LIPF: variants seen among roughly 807,000 people sequenced by gnomAD.
LIPF encodes the protein lipase F, gastric type.
Under a neutral mutation model 38.0 loss-of-function variants are expected in LIPF, and 25 were observed. The ratio of observed to expected loss-of-function variants is 0.66; its 90% confidence interval spans 0.48 to 0.92. LIPF has a LOEUF of 0.92. LIPF is among the 40% of genes least tolerant of loss of function. The pLI is 0.00. For missense variants in LIPF, 410 were observed against 469.9 expected, an observed-to-expected ratio of 0.87 and a Z score of 1.18; for synonymous variants, 161 against 156.2, an observed-to-expected ratio of 1.03 and a Z score of -0.23.
intron 7 of LIPF, among the ~76,000 whole-genome samples, chr10:88,674,202 G>A (rs1299607945): frequency 1.3e-5 from 2 of 151,534 alleles, no homozygotes; most frequent in Admixed American, 6.6e-5. Flanking sequence ...ATAGAGTCTC[G>A]CTGTCACCCA....
At chr10:88,667,100 A>C (rs1841522921) in intron 1 of LIPF, among the ~76,000 whole-genome samples, 187 bp from the exon 2 acceptor site, 1 of 152,248 alleles carries the variant, frequency 6.6e-6, no homozygotes, top group Admixed American at 6.5e-5. Context: ...TAAACATGTT[A>C]AGCATTAAAA....
intron 4 of LIPF, 196 bp from the exon 5 acceptor site, chr10:88,669,641 C>T (rs994339422): frequency 5.3e-5 from 24 of 452,616 alleles, no homozygotes; most frequent in South Asian, 1.3e-4. Context: ...TGCAATGCTG[C>T]GCTTCAGAAA....
Position 88,667,414 on chromosome 10 carries a change from T to C in LIPF, c.105+12T>C. ...TGACTATGAACATTGTAAGTTACTCTGGGGAAAAACTCTATAAAACTAAAA... is the reference window on the plus strand; with the variant it reads ...TGACTATGAACATTGTAAGTTACTCCGGGGAAAAACTCTATAAAACTAAAA... On this transcript the variant is annotated intron_variant, in intron 2 of 9. Coordinates refer to ENST00000238983, the MANE Select transcript of LIPF (RefSeq NM_004190.4). The C allele has an allele frequency of 6.7e-7, 1 of 1,485,170 alleles. No homozygotes were observed. Among genetic ancestry groups the C allele is most frequent in the African/African-American group, 1.4e-5 (1 of 72,218 alleles). 92.0% of individuals were successfully genotyped at this position (1,485,170 alleles called of 1,614,324 possible). A position where few individuals can be genotyped will look rare whatever the true frequency, so the allele number is the denominator to read the frequency against.
Position 88,673,730 on chromosome 10 carries a change from A to T in LIPF, c.812A>T (p.Asn271Ile). The T allele has an allele frequency of 6.2e-7, 1 of 1,610,986 alleles. No individual in the cohort carries two copies. Among genetic ancestry groups the T allele is most frequent in the Non-Finnish European group, 8.5e-7 (1 of 1,178,294 alleles). Residue 271 changes from asparagine (N) to isoleucine (I), a missense_variant, in exon 7 of 10, where the codon AAC becomes ATC. Transcript: ENST00000238983. ...TGTGGATTTGACAGTAAGAACTTTA[A>T]CACGGTTAGTATGCATTTCAATTTC... ...IICGFDSKNF[N>I]TSRLDVYLSH...
intron 6 of LIPF, among the ~76,000 whole-genome samples, chr10:88,672,708 G>T (rs916039613): frequency 6.8e-6 from 1 of 148,022 alleles, no homozygotes; most frequent in Non-Finnish European, 1.5e-5. Context: ...TTAGGGGAAC[G>T]GTTTAGCCTC....
intron 5 of LIPF, 123 bp from the exon 6 acceptor site, chr10:88,671,706 C>A: frequency 7.6e-7 from 1 of 1,317,350 alleles, no homozygotes; most frequent in Non-Finnish European, 1.0e-6. Flanking sequence ...ATGCCAATTT[C>A]TCAGGCTGTC....
At chr10:88,671,781 AACAAC>A in intron 5 of LIPF, 43 bp from the exon 6 acceptor site, 2 of 1,570,476 alleles carry the variant, frequency 1.3e-6, no homozygotes, top group Non-Finnish European at 1.7e-6. Context: ...AAACAACAAC[AACAAC>A]ACACACACAC....
At chr10:88,675,809 T>C in intron 8 of LIPF, 152 bp downstream of exon 8, 1 of 539,392 alleles carries the variant, frequency 1.9e-6, no homozygotes, top group Non-Finnish European at 3.3e-6. Context: ...TGAATTTATT[T>C]CAAAGAAGAA....
rs17287007 is a variant in LIPF, at chr10:88,668,204, T to C, written c.224-354T>C. 7.0e-3 allele frequency among the ~76,000 whole-genome samples: 1,071 copies of C among 152,074 alleles called. 7 individuals are homozygous for C. The highest frequency in any genetic ancestry group is 0.027 in the Middle Eastern group (8 of 294). ...CCTTTTACTCATTGTAGAAATGTTA[T>C]GAAGTACAAAAAGAAAAAAAAAAGA... On this transcript the variant is annotated intron_variant, in intron 3 of 9. Transcript: ENST00000238983.
chr10:88,674,862 C>T (rs1841661530), intron 7 of LIPF, among the ~76,000 whole-genome samples: 2 of 152,284 alleles, frequency 1.3e-5, no homozygotes, highest in African/African-American at 4.8e-5. Context: ...GTTGTGGTTA[C>T]TTGTCATTCC....
rs1841675475 is a variant in LIPF, at chr10:88,675,654, C to G, written c.885C>G (p.Thr295=). 1.2e-6 allele frequency: 2 copies of G among 1,606,830 alleles called. No individual in the cohort carries two copies. The highest frequency in any genetic ancestry group is 4.5e-5 in the East Asian group (2 of 44,762). The change falls in exon 8 of 10, where the codon ACC becomes ACG. Residue 295 remains threonine, a synonymous_variant. Transcript: ENST00000238983. ...GTSVQNMFHW[T]QAVKSGKFQA... is the part of the protein sequence containing the mutation. The stretch of plus-strand genomic sequence containing the variant: ...CTGTTCAAAACATGTTCCATTGGAC[C>G]CAGGTATTCTTTTCCAAATGCTGTT...
At chr10:88,665,813 C>T (rs1399695256) in intron 1 of LIPF, among the ~76,000 whole-genome samples, 1 of 146,604 alleles carries the variant, frequency 6.8e-6, no homozygotes, top group South Asian at 2.2e-4. Flanking sequence ...GTGCGATCTC[C>T]GCTCACTGCA....
At chr10:88,676,431 G>A (rs1841687416) in intron 9 of LIPF, 151 bp downstream of exon 9, 3 of 607,876 alleles carry the variant, frequency 4.9e-6, no homozygotes, top group African/African-American at 3.8e-5. Context: ...ATGCATTCCT[G>A]CTCTGGTGGC....
Position 88,669,906 on chromosome 10 carries a change from G to A in LIPF, c.492G>A (p.Lys164=). 1 of 1,613,460 alleles carries A rather than the reference G, an allele frequency of 6.2e-7. No individual in the cohort carries two copies. The highest frequency in any genetic ancestry group is 8.5e-7 in the Non-Finnish European group (1 of 1,179,516). Residue 164 remains lysine, a synonymous_variant, in exon 5 of 10, where the codon AAG becomes AAA. Transcript: ENST00000238983. ...TCATTGTAAAGAAAACTGGACAGAAGCAGCTACACTATGTTGGCCATTCCC... is the reference window on the plus strand; with the variant it reads ...TCATTGTAAAGAAAACTGGACAGAAACAGCTACACTATGTTGGCCATTCCC... ...IDFIVKKTGQ[K]QLHYVGHSQG...
chr10:88,673,436 TA>T, intron 6 of LIPF, 151 bp from the exon 7 acceptor site: 1 of 665,246 alleles, frequency 1.5e-6, no homozygotes. Flanking sequence ...GGGAATTAAC[TA>T]AATGAAAGTA....
At position 88,667,576 on chromosome 10, in the gene LIPF, T is replaced by C. The variant is rs773155762; in HGVS notation, c.113T>C (p.Met38Thr). The C allele has an allele frequency of 1.9e-6, 3 of 1,561,454 alleles. No homozygotes were observed. Among genetic ancestry groups the C allele is most frequent in the Non-Finnish European group, 2.6e-6 (3 of 1,134,966 alleles). ...SPEVTMNISQ[M>T]ITYWGYPNEE... ...TTGGGTTTGCTTCCTCAGAGTCAGA[T>C]GATTACTTATTGGGGATACCCAAAT... is the stretch of plus-strand genomic sequence containing the variant. Residue 38 changes from methionine (M) to threonine (T), a missense_variant, in exon 3 of 10, where the codon ATG becomes ACG. Coordinates refer to ENST00000238983, the MANE Select transcript of LIPF (RefSeq NM_004190.4).
At chr10:88,676,895 C>T (rs1841694438) in intron 9 of LIPF, among the ~76,000 whole-genome samples, 1 of 152,206 alleles carries the variant, frequency 6.6e-6, no homozygotes, top group Non-Finnish European at 1.5e-5. Flanking sequence ...CTTCATCTCT[C>T]CACCCAGGCT....
At chr10:88,673,229 G>T (rs1239199867) in intron 6 of LIPF, among the ~76,000 whole-genome samples, 1 of 152,080 alleles carries the variant, frequency 6.6e-6, no homozygotes, top group African/African-American at 2.4e-5. Flanking sequence ...ACAATTTATT[G>T]CTGAAATCTC....
chr10:88,672,660 ACACACACACACTCTCT>A (rs1309459816), intron 6 of LIPF, among the ~76,000 whole-genome samples: 3 of 125,542 alleles, frequency 2.4e-5, no homozygotes, highest in Admixed American at 8.4e-5. Context: ...ACACACACAC[ACACACACACACTCTCT>A]CTCTCTCTCT....
Sources: allele counts gnomAD v4.1 joint callset (sites outside exome capture counted in the v4.1 genomes callset), GRCh38; gene constraint gnomAD v4.1.1; transcripts MANE v1.5; gene names NCBI Gene and HGNC (gene_info 2026-07-23, HGNC 2026-07-21).